The following DTX4 variants were observed in gnomAD, a reference collection of about 807,000 sequenced individuals.
DTX4 encodes deltex E3 ubiquitin ligase 4.
In DTX4, 28 loss-of-function variants were observed where a neutral mutation model predicts 57.6. The observed-to-expected ratio is 0.49, with a 90% confidence interval of 0.36 to 0.67. The LOEUF (loss-of-function observed/expected upper bound fraction) is 0.67. Ranked by LOEUF, DTX4 falls within the 30% of genes least tolerant of loss-of-function variation. DTX4 has a pLI of 0.00. For missense variants in DTX4, 715 were observed against 836.8 expected (o/e 0.85, Z 1.80); for synonymous variants, 316 against 331.0 (o/e 0.95, Z 0.49).
At chr11:59,189,517 T>C (rs1862570764) in intron 4 of DTX4, among the ~76,000 whole-genome samples, 194 bp downstream of exon 4, 1 of 152,012 alleles carries the variant, frequency 6.6e-6, no homozygotes, top group Admixed American at 6.6e-5. Context: ...TGGAAACACC[T>C]TGAGAAATAA....
chr11:59,175,529 G>A (rs1862385452), intron 1 of DTX4, among the ~76,000 whole-genome samples: 1 of 152,074 alleles, frequency 6.6e-6, no homozygotes, highest in Admixed American at 6.5e-5. Context: ...GATCTTATTT[G>A]CATTCTATGC....
At position 59,174,158 on chromosome 11, in the gene DTX4, ACT is replaced by A. The variant is rs560388085; in HGVS notation, c.211+1355_211+1356del. On this transcript the variant is annotated intron_variant, in intron 1 of 8. Coordinates refer to ENST00000227451, the MANE Select transcript of DTX4 (RefSeq NM_015177.2). The stretch of plus-strand genomic sequence containing the variant: ...ACTCCCAGCAACCCCTTTGCCAAGG[ACT>A]CTGCAGACACTGGCTGATTGAGGAG... Among the ~76,000 whole-genome samples the A allele has an allele frequency of 1.1e-4, 16 of 152,036 alleles. No homozygotes were observed. In the South Asian group the frequency reaches 3.3e-3, roughly 32 times the overall value.
rs114186708 is a variant in DTX4 at position 59,177,167 on chromosome 11, C to G, written c.211+4361C>G. Among the ~76,000 whole-genome samples, 509 of 152,252 alleles carry G rather than the reference C, an allele frequency of 3.3e-3. 4 individuals are homozygous for G. The highest frequency in any genetic ancestry group is 0.012 in the African/African-American group (484 of 41,542). The stretch of plus-strand genomic sequence containing the variant: ...TATTTGGGCACCTAATAGGTACAGG[C>G]ACATAGACCCTGTAGCCCAACAGCT... On this transcript the variant is annotated intron_variant, in intron 1 of 8. Coordinates refer to ENST00000227451, the MANE Select transcript of DTX4 (RefSeq NM_015177.2).
chr11:59,179,834 G>A (rs143126605), intron 1 of DTX4, among the ~76,000 whole-genome samples: 179 of 152,086 alleles, frequency 1.2e-3, no homozygotes, highest in African/African-American at 4.0e-3. Context: ...AAAAGTGACC[G>A]AGAAGAAAAT....
intron 6 of DTX4, among the ~76,000 whole-genome samples, chr11:59,192,638 G>A (rs559833736): frequency 9.7e-4 from 148 of 152,270 alleles, no homozygotes; most frequent in Middle Eastern, 3.4e-3. Flanking sequence ...GTGAGTATTC[G>A]TTCATACCAT....
intron 4 of DTX4, among the ~76,000 whole-genome samples, chr11:59,189,848 C>A (rs561016788): frequency 2.6e-5 from 4 of 152,268 alleles, no homozygotes; most frequent in South Asian, 4.1e-4. Context: ...CTTTAGGAAC[C>A]CCCTCCTACC....
chr11:59,184,310 C>T (rs1862501969), intron 2 of DTX4, among the ~76,000 whole-genome samples: 2 of 152,210 alleles, frequency 1.3e-5, no homozygotes. Context: ...AAGTGCCTTG[C>T]TGTGTCAGTT....
chr11:59,176,906 C>A (rs1299318955), intron 1 of DTX4, among the ~76,000 whole-genome samples: 2 of 152,304 alleles, frequency 1.3e-5, no homozygotes, highest in East Asian at 1.9e-4. Context: ...ACTAGCACAT[C>A]CAAAATAGGG....
chr11:59,188,837 A>G, intron 3 of DTX4, 41 bp downstream of exon 3: 3 of 1,545,064 alleles, frequency 1.9e-6, no homozygotes, highest in Non-Finnish European at 2.7e-6. Context: ...AGGTAGAGAA[A>G]TCAGAGTGAT....
rs200366809 is a variant in DTX4 at position 59,195,360 on chromosome 11, C to G, written c.1527C>G (p.Pro509=). The change falls in exon 7 of 9, where the codon CCC becomes CCG. Residue 509 remains proline (P), a synonymous_variant. Coordinates refer to ENST00000227451, the MANE Select transcript of DTX4 (RefSeq NM_015177.2). The stretch of plus-strand genomic sequence containing the variant: ...TCCGGATCATCTACAGCATCCCCCC[C>G]GGCATTCAGGTGAGCCTTTCTCTCA... The part of the protein sequence containing the change: ...KTIRIIYSIP[P]GIQGPEHPNP... 3.7e-6 allele frequency: 6 copies of G among 1,604,618 alleles called. No individual in the cohort carries two copies. Among genetic ancestry groups the G allele is most frequent in the Admixed American group, 3.4e-5 (2 of 59,332 alleles).
chr11:59,188,687 T>G lies in DTX4; in HGVS notation c.936-48T>G, dbSNP rs758981260. ...TATTAGAATTAAATACTGGTCCATT[T>G]TGTTCCACGTGTCAAAATGACATTG... On this transcript the variant is annotated intron_variant, in intron 2 of 8. Coordinates refer to ENST00000227451, the MANE Select transcript of DTX4 (RefSeq NM_015177.2). The G allele has an allele frequency of 2.6e-6, 4 of 1,512,092 alleles. No homozygotes were observed. The South Asian group carries it at 4.5e-5, about 17-fold the overall frequency. The allele number at this position is 1,512,092 out of a possible 1,614,324, so 93.7% of individuals were successfully genotyped here.
intron 8 of DTX4, among the ~76,000 whole-genome samples, chr11:59,203,147 A>G (rs1194162107): frequency 6.6e-6 from 1 of 152,246 alleles, no homozygotes; most frequent in Admixed American, 6.5e-5. Context: ...GCTGTGCACT[A>G]CTAAAGACTT....
At chr11:59,199,369 A>G (rs1862713097) in intron 7 of DTX4, among the ~76,000 whole-genome samples, 1 of 152,126 alleles carries the variant, frequency 6.6e-6, no homozygotes, top group Admixed American at 6.5e-5. Flanking sequence ...ATCAGGCACC[A>G]CTCACTTAAC....
chr11:59,196,720 C>A lies in DTX4; in HGVS notation c.1536+1351C>A, dbSNP rs187283733. On this transcript the variant is annotated intron_variant, in intron 7 of 8. Coordinates refer to ENST00000227451, the MANE Select transcript of DTX4 (RefSeq NM_015177.2). The stretch of plus-strand genomic sequence containing the variant: ...ACTCTATTGTGAACTGTGCATGTGA[C>A]GGATCTAGGTCGTGCACTCCTTATG... Among the ~76,000 whole-genome samples, 98 of 152,200 alleles carry A rather than the reference C, an allele frequency of 6.4e-4. 1 individual carries two copies. Among genetic ancestry groups the A allele is most frequent in the African/African-American group, 2.2e-3 (91 of 41,526 alleles).
intron 8 of DTX4, among the ~76,000 whole-genome samples, chr11:59,200,538 C>T (rs1862728799): frequency 6.6e-6 from 1 of 152,190 alleles, no homozygotes; most frequent in Non-Finnish European, 1.5e-5. Flanking sequence ...TCTGACAACA[C>T]ATTGAAGCTG....
Position 59,191,160 on chromosome 11 carries a change from G to T in DTX4, c.1206G>T (p.Arg402=). 1 of 1,571,904 alleles carries T rather than the reference G, an allele frequency of 6.4e-7. No homozygotes were observed. Among genetic ancestry groups the T allele is most frequent in the East Asian group, 2.4e-5 (1 of 42,412 alleles). The part of the protein sequence containing the change: ...EVLKKYLQKV[R]HPPDEDCTIC... ...TAAAAAAATATCTACAGAAAGTCCG[G>T]CACCCACCAGATGAGGTGAGTTCAG... The change falls in exon 5 of 9, where the codon CGG becomes CGT. Residue 402 remains arginine, a synonymous_variant. Coordinates refer to ENST00000227451, the MANE Select transcript of DTX4 (RefSeq NM_015177.2).
chr11:59,197,961 G>T (rs1280630168), intron 7 of DTX4, among the ~76,000 whole-genome samples: 2 of 152,146 alleles, frequency 1.3e-5, no homozygotes, highest in Non-Finnish European at 2.9e-5. Flanking sequence ...GTACCACGGT[G>T]GCTCCTCCTG....
Position 59,172,535 on chromosome 11 carries a change from G to A in DTX4, c.-61G>A, listed in dbSNP as rs1862339466. 4.3e-6 allele frequency: 5 copies of A among 1,172,580 alleles called. No homozygotes were observed. Among genetic ancestry groups the A allele is most frequent in the Non-Finnish European group, 5.4e-6 (5 of 918,436 alleles). The allele number at this position is 1,172,580 out of a possible 1,614,324, so 72.6% of individuals were successfully genotyped here. On this transcript the variant is annotated 5_prime_UTR_variant, in exon 1 of 9. Coordinates refer to ENST00000227451, the MANE Select transcript of DTX4 (RefSeq NM_015177.2). The stretch of plus-strand genomic sequence containing the variant: ...AGGCGGCGGCGCAGGAGGAAGCGGA[G>A]GAGGTCGGGCGCTCGGGGCCCGGGA...
At chr11:59,199,886 T>C (rs969193611) in intron 8 of DTX4, 113 bp downstream of exon 8, 2 of 871,524 alleles carry the variant, frequency 2.3e-6, no homozygotes, top group Admixed American at 2.6e-5. Flanking sequence ...AAGAGAACTG[T>C]GTCTCTTTTA....
Sources: gnomAD v4.1 joint callset for allele counts (sites outside exome capture counted in the v4.1 genomes callset) on GRCh38, gnomAD v4.1.1 for gene constraint, MANE v1.5 for transcripts, NCBI Gene and HGNC (gene_info 2026-07-23, HGNC 2026-07-21) for gene names.